Variants in TGFBR3 observed in about 807,000 individuals in gnomAD.
TGFBR3 encodes transforming growth factor beta receptor type 3.
Under a neutral mutation model 87.9 loss-of-function variants are expected in TGFBR3, and 46 were observed. That is an observed-to-expected ratio of 0.52 (90% confidence interval 0.41 to 0.67). TGFBR3 has a LOEUF of 0.67. TGFBR3 is among the 30% of genes least tolerant of loss of function. TGFBR3 has a pLI of 0.00. For missense variants in TGFBR3, 866 were observed against 1,041.9 expected, an observed-to-expected ratio of 0.83 and a Z score of 2.32; for synonymous variants, 381 against 391.6, an observed-to-expected ratio of 0.97 and a Z score of 0.32.
chr1:91,875,790 G>GGC (rs1553175720), intron 1 of TGFBR3, among the ~76,000 whole-genome samples: 1 of 58,954 alleles, frequency 1.7e-5, no homozygotes, highest in African/African-American at 4.8e-5. Flanking sequence ...CGGGCGGGGG[G>GGC]GGGGGGTGGG....
chr1:91,882,304 T>C (rs1414374793), intron 1 of TGFBR3, among the ~76,000 whole-genome samples: 1 of 151,364 alleles, frequency 6.6e-6, no homozygotes, highest in Non-Finnish European at 1.5e-5. Context: ...GCTCAGCAAA[T>C]TGTTGTATTT....
At chr1:91,781,257 G>C (rs1674757750) in intron 3 of TGFBR3, among the ~76,000 whole-genome samples, 1 of 152,164 alleles carries the variant, frequency 6.6e-6, no homozygotes, top group Non-Finnish European at 1.5e-5. Flanking sequence ...AAAAGGAGTA[G>C]AGCATTTGTT....
chr1:91,702,671 T>C (rs1395600256), intron 14 of TGFBR3, among the ~76,000 whole-genome samples: 2 of 152,172 alleles, frequency 1.3e-5, no homozygotes, highest in African/African-American at 4.8e-5. Flanking sequence ...TAAAACAAGA[T>C]TCACCATAAA....
chr1:91,693,648 G>C (rs1341745914), intron 16 of TGFBR3, among the ~76,000 whole-genome samples: 1 of 152,180 alleles, frequency 6.6e-6, no homozygotes. Flanking sequence ...CCTGGCCCAA[G>C]ATTAGCTATG....
In TGFBR3 at chr1:91,681,070, T is replaced by C; in HGVS notation, c.*2669A>G. 3 of 454,080 alleles carry C rather than the reference T, an allele frequency of 6.6e-6. No individual in the cohort carries two copies. Among genetic ancestry groups the C allele is most frequent in the Non-Finnish European group, 1.3e-5 (3 of 226,796 alleles). 28.1% of individuals were successfully genotyped at this position (454,080 alleles called of 1,614,324 possible). ...AAATGGCCTCTGCAAATTAAGGGTG[T>C]AGCCTGCAGAAATAACAAAAGACTG... On this transcript the variant is annotated 3_prime_UTR_variant, in exon 17 of 17. Coordinates refer to ENST00000212355, the MANE Select transcript of TGFBR3 (RefSeq NM_003243.5).
chr1:91,841,244 G>A (rs1466765387), intron 2 of TGFBR3, among the ~76,000 whole-genome samples: 2 of 152,186 alleles, frequency 1.3e-5, no homozygotes, highest in Non-Finnish European at 2.9e-5. Context: ...TCAAACAACT[G>A]CACAGTGCTT....
chr1:91,686,508 C>G (rs753423207), intron 16 of TGFBR3, among the ~76,000 whole-genome samples: 1 of 152,210 alleles, frequency 6.6e-6, no homozygotes, highest in African/African-American at 2.4e-5. Flanking sequence ...GTCCCCTCTT[C>G]AGACCATCCT....
At chr1:91,698,760 C>A (rs1017608482) in intron 14 of TGFBR3, among the ~76,000 whole-genome samples, 4 of 152,160 alleles carry the variant, frequency 2.6e-5, no homozygotes, top group Non-Finnish European at 5.9e-5. Context: ...TCTGCCTCGA[C>A]CTCCCAAAGG....
chr1:91,802,240 C>T (rs1675656918), intron 2 of TGFBR3, among the ~76,000 whole-genome samples: 1 of 152,180 alleles, frequency 6.6e-6, no homozygotes, highest in South Asian at 2.1e-4. Context: ...GCCTGCCAGG[C>T]CTTCCTGGAG....
intron 2 of TGFBR3, among the ~76,000 whole-genome samples, chr1:91,822,441 C>T (rs1419702071): frequency 2.0e-5 from 3 of 151,786 alleles, no homozygotes; most frequent in East Asian, 1.9e-4. Flanking sequence ...TATCTCAGCA[C>T]ATCTAATCTA....
chr1:91,763,365 A>T (rs1325447357), intron 3 of TGFBR3, among the ~76,000 whole-genome samples: 2 of 152,224 alleles, frequency 1.3e-5, no homozygotes, highest in East Asian at 3.8e-4. Flanking sequence ...AACATTTCTG[A>T]TTCTTAGAAC....
intron 1 of TGFBR3, among the ~76,000 whole-genome samples, chr1:91,900,799 C>T (rs1000100193): frequency 6.6e-6 from 1 of 152,226 alleles, no homozygotes; most frequent in African/African-American, 2.4e-5. Flanking sequence ...GTATCAAAGA[C>T]TAAAACTGTG....
At chr1:91,739,939 G>A (rs900890806) in intron 4 of TGFBR3, among the ~76,000 whole-genome samples, 10 of 152,166 alleles carry the variant, frequency 6.6e-5, no homozygotes, top group African/African-American at 1.2e-4. Flanking sequence ...ACCAGATCTC[G>A]TGGTAAATCA....
chr1:91,816,476 C>T (rs528455097), intron 2 of TGFBR3, among the ~76,000 whole-genome samples: 72 of 152,308 alleles, frequency 4.7e-4, no homozygotes, highest in Middle Eastern at 3.4e-3. Context: ...CAAATACATA[C>T]TAAGTTGGAT....
chr1:91,727,030 T>A (rs1672574025), intron 7 of TGFBR3, among the ~76,000 whole-genome samples: 1 of 152,358 alleles, frequency 6.6e-6, no homozygotes. Context: ...TGTGCGTACA[T>A]CTCTATTAAA....
intron 3 of TGFBR3, among the ~76,000 whole-genome samples, chr1:91,784,147 C>T (rs547260622): frequency 6.6e-6 from 1 of 152,252 alleles, no homozygotes; most frequent in South Asian, 2.1e-4. Context: ...GAACAAAGAT[C>T]TGCAGTTTAG....
At chr1:91,871,918 G>C (rs79956875) in intron 1 of TGFBR3, among the ~76,000 whole-genome samples, 164 of 152,292 alleles carry the variant, frequency 1.1e-3, no homozygotes, top group African/African-American at 3.7e-3. Flanking sequence ...GGATTGTTAT[G>C]ATGACTAACT....
Position 91,729,788 on chromosome 1 carries a change from C to T in TGFBR3, c.737+17G>A. 2.5e-6 allele frequency: 4 copies of T among 1,614,028 alleles called. No homozygotes were observed. The highest frequency in any genetic ancestry group is 3.4e-6 in the Non-Finnish European group (4 of 1,179,918). ...ACTTTCATCTCTTGTCACACTCACA[C>T]ACTTAGACTCACTTACCTGTAGGGG... On this transcript the variant is annotated intron_variant, in intron 6 of 16. Coordinates refer to ENST00000212355, the MANE Select transcript of TGFBR3 (RefSeq NM_003243.5).
At chr1:91,759,471 T>C (rs923832669) in intron 3 of TGFBR3, among the ~76,000 whole-genome samples, 1 of 150,770 alleles carries the variant, frequency 6.6e-6, no homozygotes, top group African/African-American at 2.4e-5. Context: ...TCAAGGACTA[T>C]TGCAGGTCAT....
Sources: allele counts gnomAD v4.1 joint callset (sites outside exome capture counted in the v4.1 genomes callset), GRCh38; gene constraint gnomAD v4.1.1; transcripts MANE v1.5; gene names NCBI Gene and HGNC (gene_info 2026-07-23, HGNC 2026-07-21).